ITGA1: variants seen among roughly 807,000 people sequenced by gnomAD.
ITGA1 encodes integrin alpha-1.
Under a neutral mutation model 145.9 loss-of-function variants are expected in ITGA1, and 85 were observed. The observed-to-expected ratio is 0.58, with a 90% CI of 0.49 to 0.70. The LOEUF is 0.70. ITGA1 is among the 30% of genes least tolerant of loss of function. ITGA1 has a pLI of 0.00. For missense variants in ITGA1, 1,351 were observed against 1,418.7 expected (o/e 0.95, Z 0.77); for synonymous variants, 520 against 495.3 (o/e 1.05, Z -0.66).
intron 28 of ITGA1, among the ~76,000 whole-genome samples, chr5:52,948,641 G>C (rs908375694): frequency 2.6e-5 from 4 of 152,178 alleles, no homozygotes; most frequent in African/African-American, 9.7e-5. Flanking sequence ...TACTTTATAA[G>C]GGATCAGTGT....
At chr5:52,835,382 G>A (rs1367323879) in intron 1 of ITGA1, among the ~76,000 whole-genome samples, 1 of 152,140 alleles carries the variant, frequency 6.6e-6, no homozygotes, top group African/African-American at 2.4e-5. Context: ...AAAAACAGAG[G>A]AAGAATGATT....
At chr5:52,805,845 G>A (rs1748580741) in intron 1 of ITGA1, among the ~76,000 whole-genome samples, 1 of 152,046 alleles carries the variant, frequency 6.6e-6, no homozygotes, top group African/African-American at 2.4e-5. Flanking sequence ...AGTCTGAACT[G>A]TGGCATCAAT....
At chr5:52,800,124 C>T in intron 1 of ITGA1, 1 of 419,862 alleles carries the variant, frequency 2.4e-6, no homozygotes, top group Non-Finnish European at 4.3e-6. Context: ...TGCGTGCTGC[C>T]AGCGGGAACT....
chr5:52,947,576 C>A, intron 28 of ITGA1, 115 bp downstream of exon 28: 3 of 646,182 alleles, frequency 4.6e-6, no homozygotes, highest in Admixed American at 3.2e-5. Flanking sequence ...ATGAAACAAA[C>A]GTTGAAATGA....
In ITGA1 at chr5:52,952,911, T is replaced by A. The variant is rs549097416; in HGVS notation, c.*460T>A. 3 of 152,298 alleles carry A rather than the reference T, an allele frequency of 2.0e-5. No individual in the cohort carries two copies. The highest frequency in any genetic ancestry group is 2.4e-5 in the African/African-American group (1 of 41,464). The allele number at this position is 152,298 out of a possible 1,614,324, so 9.4% of individuals were successfully genotyped here. A position where few individuals can be genotyped will look rare whatever the true frequency, so the allele number is the denominator to read the frequency against. On this transcript the variant is annotated 3_prime_UTR_variant, in exon 29 of 29. Transcript: ENST00000282588. The stretch of plus-strand genomic sequence containing the variant: ...CAAGAAAAGAATTACCTGAAAAAGA[T>A]CATTTCTCCCTATTCAAATGAGAAT...
At position 52,807,202 on chromosome 5, in the gene ITGA1, T is replaced by G. The variant is rs550300257; in HGVS notation, c.61+18788T>G. The stretch of plus-strand genomic sequence containing the variant: ...TGAGGCAAGAGCAGTATTTGCCAAG[T>G]AGCAAATTCAAGAGCAAAATGTTTT... On this transcript the variant is annotated intron_variant, in intron 1 of 28. Coordinates refer to ENST00000282588, the MANE Select transcript of ITGA1 (RefSeq NM_181501.2). Among the ~76,000 whole-genome samples, 76 of 152,312 alleles carry G rather than the reference T, an allele frequency of 5.0e-4. 2 individuals carry two copies. The highest frequency in any genetic ancestry group is 6.8e-3 in the Middle Eastern group (2 of 294).
At chr5:52,864,927 A>AT (rs1749660258) in intron 4 of ITGA1, 44 bp from the exon 5 acceptor site, 1 of 1,567,178 alleles carries the variant, frequency 6.4e-7, no homozygotes, top group African/African-American at 1.4e-5. Context: ...CTGTTATATA[A>AT]TTTTCAGTCT....
chr5:52,878,961 CAAAA>C (rs33911483), intron 6 of ITGA1, among the ~76,000 whole-genome samples: 28,386 of 130,634 alleles, frequency 0.22, 2,944 homozygotes, highest in East Asian at 0.36. Context: ...GTCTAAGTAC[CAAAA>C]AAAAAAAAAA....
rs1263099728 is a variant in ITGA1 at position 52,911,510 on chromosome 5, A to C, written c.1857+1091A>C. On this transcript the variant is annotated intron_variant, in intron 14 of 28. Coordinates refer to ENST00000282588, the MANE Select transcript of ITGA1 (RefSeq NM_181501.2). ...ATATAGTATATATAGTAGATACACT[A>C]TATATAGTATATATATCTATATATT... Among the ~76,000 whole-genome samples, 3 of 126,496 alleles carry C rather than the reference A, an allele frequency of 2.4e-5. No individual in the cohort carries two copies. The Admixed American group carries it at 2.8e-4, about 12-fold the overall frequency. The allele number at this position is 126,496 out of a possible 152,430, so 83.0% of individuals were successfully genotyped here.
At chr5:52,852,005 T>A (rs1038868088) in intron 2 of ITGA1, among the ~76,000 whole-genome samples, 1 of 152,220 alleles carries the variant, frequency 6.6e-6, no homozygotes, top group African/African-American at 2.4e-5. Context: ...GAATAGACTA[T>A]AAATTCAATG....
At chr5:52,844,571 G>T (rs1561225166) in intron 1 of ITGA1, among the ~76,000 whole-genome samples, 3 of 152,076 alleles carry the variant, frequency 2.0e-5, no homozygotes, top group Admixed American at 6.5e-5. Context: ...GATAGTAATG[G>T]TATTTAATTA....
chr5:52,908,374 C>T (rs1183800914), intron 12 of ITGA1, among the ~76,000 whole-genome samples: 1 of 152,134 alleles, frequency 6.6e-6, no homozygotes, highest in Non-Finnish European at 1.5e-5. Flanking sequence ...GATACCCCTG[C>T]AATCCTTCCA....
At chr5:52,911,948 T>G (rs1198110786) in intron 14 of ITGA1, among the ~76,000 whole-genome samples, 1 of 101,210 alleles carries the variant, frequency 9.9e-6, no homozygotes. Flanking sequence ...ATATATACTA[T>G]ATATACTATA....
chr5:52,805,774 A>C (rs1053944152), intron 1 of ITGA1, among the ~76,000 whole-genome samples: 4 of 151,986 alleles, frequency 2.6e-5, no homozygotes, highest in Non-Finnish European at 5.9e-5. Flanking sequence ...AGTATCTCTG[A>C]TTTGTCTCAC....
At chr5:52,919,456 C>T (rs1200922985) in intron 16 of ITGA1, among the ~76,000 whole-genome samples, 2 of 152,076 alleles carry the variant, frequency 1.3e-5, no homozygotes, top group Non-Finnish European at 2.9e-5. Flanking sequence ...TTCCTCCCTC[C>T]GTTCTCCACT....
chr5:52,887,971 T>C lies in ITGA1; in HGVS notation c.924+6T>C, dbSNP rs768015675. 1 of 1,610,154 alleles carries C rather than the reference T, an allele frequency of 6.2e-7. No individual in the cohort carries two copies. The highest frequency in any genetic ancestry group is 1.1e-5 in the South Asian group (1 of 90,742). On this transcript the variant is annotated splice_donor_region_variant and intron_variant, in intron 8 of 28. Coordinates refer to ENST00000282588, the MANE Select transcript of ITGA1 (RefSeq NM_181501.2). ...TTCAACGGTTTTCCATAGCTGTAAG[T>C]GTGTTGCCGGAGATATTTTCAAACT...
At chr5:52,851,005 G>A (rs1749423851) in intron 2 of ITGA1, among the ~76,000 whole-genome samples, 3 of 152,078 alleles carry the variant, frequency 2.0e-5, no homozygotes, top group Non-Finnish European at 4.4e-5. Context: ...TTCTTAAAAA[G>A]CTTAACTTTA....
At chr5:52,889,228 A>C (rs1475729989) in intron 8 of ITGA1, among the ~76,000 whole-genome samples, 2 of 151,998 alleles carry the variant, frequency 1.3e-5, no homozygotes, top group East Asian at 3.9e-4. Context: ...CAGCCTCCCA[A>C]GTAGCTGGGA....
At position 52,915,501 on chromosome 5, in the gene ITGA1, T is replaced by G. The variant is rs138709169; in HGVS notation, c.1895T>G (p.Phe632Cys). The G allele has an allele frequency of 6.4e-5, 103 of 1,613,988 alleles. No homozygotes were observed. Among genetic ancestry groups the G allele is most frequent in the Non-Finnish European group, 8.6e-5 (102 of 1,179,988 alleles). The change falls in exon 15 of 29, where the codon TTT becomes TGT. Residue 632 changes from phenylalanine (F) to cysteine (C), a missense_variant. Physicochemically the swap from Phe to Cys is radical, Grantham distance 205 (BLOSUM62 -2). Transcript: ENST00000282588. ...PSGGDGKTLK[F>C]FGQSIHGEMD... is the part of the protein sequence containing the mutation. ...GGTGGGGATGGTAAGACACTGAAAT[T>G]TTTTGGCCAGTCTATCCACGGAGAA... is the stretch of plus-strand genomic sequence containing the variant.
Sources: allele counts gnomAD v4.1 joint callset (sites outside exome capture counted in the v4.1 genomes callset), GRCh38; gene constraint gnomAD v4.1.1; transcripts MANE v1.5; gene names NCBI Gene and HGNC (gene_info 2026-07-23, HGNC 2026-07-21).